N4BP2: variants seen among roughly 807,000 people sequenced by gnomAD.
The protein encoded by N4BP2 is NEDD4-binding protein 2.
In N4BP2, 91 loss-of-function variants were observed where a neutral mutation model predicts 152.8. The observed-to-expected ratio is 0.60, with a 90% CI of 0.50 to 0.71. N4BP2 has a LOEUF of 0.71. Ranked by LOEUF, N4BP2 falls within the 30% of genes least tolerant of loss-of-function variation. N4BP2 has a pLI of 0.00. For missense variants in N4BP2, 1,923 were observed against 2,059.1 expected, an observed-to-expected ratio of 0.93 and a Z score of 1.28; for synonymous variants, 646 against 705.3, an observed-to-expected ratio of 0.92 and a Z score of 1.33.
chr4:40,120,376 A>G lies in N4BP2; in HGVS notation c.2265A>G (p.Ile755Met), dbSNP rs1359827835. ...ATGAAAAATCCTCACCTGGTGAAAT[A>G]GTGGAAGAAAGAGCAACAGTAACGA... ...LQNEKSSPGEIVEERATVTKK... is the reference protein window; with the variant it reads ...LQNEKSSPGEMVEERATVTKK... The change falls in exon 9 of 18, where the codon ATA becomes ATG. Residue 755 changes from isoleucine (I) to methionine (M), a missense_variant. By Grantham distance (10) the Ile-to-Met change is conservative. Transcript: ENST00000261435. 7 of 1,613,582 alleles carry G rather than the reference A, an allele frequency of 4.3e-6. No homozygotes were observed. The highest frequency in any genetic ancestry group is 1.1e-5 in the South Asian group (1 of 91,052).
At chr4:40,070,190 C>T (rs886650779) in intron 1 of N4BP2, among the ~76,000 whole-genome samples, 6 of 152,164 alleles carry the variant, frequency 3.9e-5, no homozygotes, top group African/African-American at 1.4e-4. Context: ...ATTTCCTGAA[C>T]CATTTAAAAG....
At chr4:40,086,531 T>G (rs1578988889) in intron 2 of N4BP2, among the ~76,000 whole-genome samples, 1 of 151,616 alleles carries the variant, frequency 6.6e-6, no homozygotes, top group South Asian at 2.1e-4. Context: ...AGAGATGAGG[T>G]TTCACCGTGT....
Position 40,097,516 on chromosome 4 carries a change from C to T in N4BP2, c.176C>T (p.Ser59Phe). ...TTCACCAGTATCTCAGAGATATTTTCTGATCTGGATCCTGATGTAGTGTAT... is the reference window on the plus strand; with the variant it reads ...TTCACCAGTATCTCAGAGATATTTTTTGATCTGGATCCTGATGTAGTGTAT... ...ELFTSISEIF[S>F]DLDPDVVYLM... The change falls in exon 3 of 18, where the codon TCT (serine) becomes TTT (phenylalanine). Residue 59 changes from serine (S) to phenylalanine (F), a missense_variant. Coordinates refer to ENST00000261435, the MANE Select transcript of N4BP2 (RefSeq NM_018177.6). The T allele has an allele frequency of 6.2e-7, 1 of 1,613,970 alleles. No homozygotes were observed. The highest frequency in any genetic ancestry group is 8.5e-7 in the Non-Finnish European group (1 of 1,179,908).
chr4:40,090,782 A>C (rs966419446), intron 2 of N4BP2, among the ~76,000 whole-genome samples: 9 of 151,986 alleles, frequency 5.9e-5, no homozygotes, highest in Non-Finnish European at 1.2e-4. Context: ...AAAATACAAA[A>C]ATTAGCTGGG....
intron 12 of N4BP2, among the ~76,000 whole-genome samples, chr4:40,130,790 A>G (rs1016955106): frequency 6.6e-6 from 1 of 152,180 alleles, no homozygotes; most frequent in African/African-American, 2.4e-5. Context: ...ATTTTCAGTC[A>G]TTTTATTGCC....
intron 2 of N4BP2, among the ~76,000 whole-genome samples, chr4:40,096,431 G>A (rs1357123175): frequency 6.6e-6 from 1 of 152,116 alleles, no homozygotes; most frequent in Admixed American, 6.6e-5. Flanking sequence ...AGAAGAGTGA[G>A]GAGACTTAAG....
chr4:40,114,236 T>A (rs1717157113), intron 7 of N4BP2, among the ~76,000 whole-genome samples: 1 of 151,476 alleles, frequency 6.6e-6, no homozygotes, highest in African/African-American at 2.4e-5. Context: ...GTTAGGCTAT[T>A]TTTTTTTTCT....
the N4BP2 span, among the ~76,000 whole-genome samples, chr4:40,168,055 C>T: frequency 3.3e-5 from 5 of 151,554 alleles, no homozygotes; most frequent in East Asian, 9.7e-4. Flanking sequence ...ATTAAAAAAA[C>T]ATAACCACTA....
chr4:40,102,528 T>C lies in N4BP2; in HGVS notation c.683T>C (p.Ile228Thr). ...HSVLNESKCF[I>T]KDNTLALESN... ...GTTTTGAACGAGTCCAAGTGTTTTA[T>C]AAAGGATAACACATTGGCTTTGGAA... Residue 228 changes from isoleucine (I) to threonine (T), a missense_variant, in exon 4 of 18, where the codon ATA becomes ACA. Coordinates refer to ENST00000261435, the MANE Select transcript of N4BP2 (RefSeq NM_018177.6). 1 of 1,614,212 alleles carries C rather than the reference T, an allele frequency of 6.2e-7. No homozygotes were observed. Among genetic ancestry groups the C allele is most frequent in the Non-Finnish European group, 8.5e-7 (1 of 1,180,028 alleles).
At chr4:40,179,058 G>A in the N4BP2 span, among the ~76,000 whole-genome samples, 1 of 152,074 alleles carries the variant, frequency 6.6e-6, no homozygotes, top group Non-Finnish European at 1.5e-5. Flanking sequence ...TTTATTTATG[G>A]GTCCTAGTAG....
At chr4:40,081,515 G>T (rs974027088) in intron 2 of N4BP2, among the ~76,000 whole-genome samples, 1 of 152,092 alleles carries the variant, frequency 6.6e-6, no homozygotes, top group South Asian at 2.1e-4. Context: ...GTGTGGTGCC[G>T]CATGCCTGTA....
At chr4:40,115,910 A>G (rs1579061821) in intron 7 of N4BP2, among the ~76,000 whole-genome samples, 1 of 152,240 alleles carries the variant, frequency 6.6e-6, no homozygotes, top group South Asian at 2.1e-4. Flanking sequence ...TCCCTTTATT[A>G]TGTTGAACTT....
the N4BP2 span, among the ~76,000 whole-genome samples, chr4:40,168,179 G>GT: frequency 6.6e-6 from 1 of 151,866 alleles, no homozygotes; most frequent in Non-Finnish European, 1.5e-5. Context: ...AATTAATGAG[G>GT]TAAGTTTAAT....
rs536360881 is a variant in N4BP2 at position 40,154,767 on chromosome 4, A to C, written c.*530A>C. 1 of 153,168 alleles carries C rather than the reference A, an allele frequency of 6.5e-6. No homozygotes were observed. Among genetic ancestry groups the C allele is most frequent in the Non-Finnish European group, 1.5e-5 (1 of 68,722 alleles). 9.5% of individuals were successfully genotyped at this position (153,168 alleles called of 1,614,324 possible). A position where few individuals can be genotyped will look rare whatever the true frequency, so the allele number is the denominator to read the frequency against. ...ATGCTTTTATTTTGCCATATCCTAC[A>C]GGAAGGAAGACATGCTTTTGCCCTT... On this transcript the variant is annotated 3_prime_UTR_variant, in exon 18 of 18. Transcript: ENST00000261435.
chr4:40,125,964 A>G (rs755296198), intron 11 of N4BP2, among the ~76,000 whole-genome samples, 170 bp from the exon 12 acceptor site: 2 of 151,824 alleles, frequency 1.3e-5, no homozygotes. Flanking sequence ...ACTATTTCTT[A>G]CTTGCGATGA....
At position 40,157,397 on chromosome 4, in the gene N4BP2, T is replaced by C. The variant is rs1341029986; in HGVS notation, c.*3160T>C. 1 of 152,172 alleles carries C rather than the reference T, an allele frequency of 6.6e-6. No individual in the cohort carries two copies. Among genetic ancestry groups the C allele is most frequent in the Non-Finnish European group, 1.5e-5 (1 of 67,988 alleles). 9.4% of individuals were successfully genotyped at this position (152,172 alleles called of 1,614,324 possible). On this transcript the variant is annotated 3_prime_UTR_variant, in exon 18 of 18. Coordinates refer to ENST00000261435, the MANE Select transcript of N4BP2 (RefSeq NM_018177.6). ...ATTTTGAGAAGAAAAGCTATACTGC[T>C]CTTCTGGATGGTTTCCATCCTTTAT...
intron 3 of N4BP2, chr4:40,100,201 A>G: frequency 2.4e-6 from 1 of 420,326 alleles, no homozygotes; most frequent in Non-Finnish European, 4.8e-6. Context: ...TGAAAGTGTC[A>G]TAGCCAGCAG....
At chr4:40,081,087 A>T (rs553874838) in intron 2 of N4BP2, among the ~76,000 whole-genome samples, 1 of 152,118 alleles carries the variant, frequency 6.6e-6, no homozygotes, top group East Asian at 1.9e-4. Flanking sequence ...TAGCTTGCAA[A>T]CTGGAGGAAG....
intron 8 of N4BP2, 74 bp downstream of exon 8, chr4:40,118,098 G>A (rs1417312960): frequency 8.0e-7 from 1 of 1,243,388 alleles, no homozygotes; most frequent in Non-Finnish European, 1.1e-6. Context: ...TGGAGCTTGT[G>A]GAATCATTGC....
Sources: gnomAD v4.1 joint callset for allele counts (sites outside exome capture counted in the v4.1 genomes callset) on GRCh38, gnomAD v4.1.1 for gene constraint, MANE v1.5 for transcripts, NCBI Gene and HGNC (gene_info 2026-07-23, HGNC 2026-07-21) for gene names.